The following NAA15 variants were observed in gnomAD, a reference collection of about 807,000 sequenced individuals.
NAA15 encodes the protein N-terminal acetyltransferase.
In NAA15, 34 loss-of-function variants were observed where a neutral mutation model predicts 114.0. The observed-to-expected ratio is 0.30, with a 90% CI of 0.23 to 0.40. NAA15 has a LOEUF of 0.40. Ranked by LOEUF, NAA15 falls within the 10% of genes least tolerant of loss-of-function variation. The pLI is 1.00. For synonymous variants in NAA15, 340 were observed against 338.0 expected, an observed-to-expected ratio of 1.01 and a Z score of -0.06; for missense variants, 658 against 1,004.5, an observed-to-expected ratio of 0.66 and a Z score of 4.66.
At chr4:139,375,868 A>G (rs1393326656) in intron 15 of NAA15, among the ~76,000 whole-genome samples, 3 of 149,204 alleles carry the variant, frequency 2.0e-5, no homozygotes, top group Non-Finnish European at 4.4e-5. Context: ...CTCACCATTA[A>G]TATGTCATTT....
intron 1 of NAA15, among the ~76,000 whole-genome samples, chr4:139,315,622 A>G (rs967714268): frequency 5.3e-5 from 8 of 151,916 alleles, no homozygotes; most frequent in Non-Finnish European, 1.2e-4. Flanking sequence ...AGATACGTAT[A>G]CAAGTGCATG....
intron 6 of NAA15, among the ~76,000 whole-genome samples, chr4:139,347,860 G>A (rs1338692727): frequency 4.6e-5 from 7 of 150,734 alleles, no homozygotes; most frequent in African/African-American, 2.4e-5. Context: ...GCGAAACCCC[G>A]TCTCTACTAA....
At chr4:139,337,975 T>C (rs6845651) in intron 3 of NAA15, among the ~76,000 whole-genome samples, 38,830 of 152,164 alleles carry the variant, frequency 0.26, 5,165 homozygotes, top group African/African-American at 0.32. Flanking sequence ...CTGTCATAGA[T>C]AGATGTCTTT....
chr4:139,339,829 C>T (rs910076437), intron 3 of NAA15, among the ~76,000 whole-genome samples: 35 of 152,100 alleles, frequency 2.3e-4, no homozygotes, highest in African/African-American at 7.2e-4. Flanking sequence ...AGAAGACAGA[C>T]TGAAGATAGG....
intron 1 of NAA15, among the ~76,000 whole-genome samples, chr4:139,329,576 C>G (rs559251121): frequency 6.6e-6 from 1 of 152,098 alleles, no homozygotes; most frequent in Non-Finnish European, 1.5e-5. Context: ...AAGGAATGAC[C>G]TTTTTGCAGT....
chr4:139,313,305 T>C (rs1746279148), intron 1 of NAA15, among the ~76,000 whole-genome samples: 1 of 151,952 alleles, frequency 6.6e-6, no homozygotes, highest in Non-Finnish European at 1.5e-5. Flanking sequence ...ACTCTATTTT[T>C]CAAAGAGAAC....
chr4:139,312,420 G>A (rs1189326105), intron 1 of NAA15, among the ~76,000 whole-genome samples: 1 of 151,880 alleles, frequency 6.6e-6, no homozygotes, highest in Non-Finnish European at 1.5e-5. Context: ...TTGTATTAAA[G>A]TTGTAACTTT....
Position 139,376,491 on chromosome 4 carries a change from A to G in NAA15, c.2056+18A>G, listed in dbSNP as rs190131369. The G allele has an allele frequency of 6.2e-6, 9 of 1,442,152 alleles. No individual in the cohort carries two copies. In the Admixed American group the frequency reaches 1.2e-4, roughly 19 times the overall value. 89.3% of individuals were successfully genotyped at this position (1,442,152 alleles called of 1,614,324 possible). On this transcript the variant is annotated intron_variant, in intron 16 of 19. Transcript: ENST00000296543. ...TAGGAAAGGTAGGCAATTAGGGTACAGTGGCCCTGACAAAACTGATCACTG... is the reference window on the plus strand; with the variant it reads ...TAGGAAAGGTAGGCAATTAGGGTACGGTGGCCCTGACAAAACTGATCACTG...
At chr4:139,310,886 T>G (rs1225869650) in intron 1 of NAA15, among the ~76,000 whole-genome samples, 1 of 151,730 alleles carries the variant, frequency 6.6e-6, no homozygotes, top group African/African-American at 2.4e-5. Context: ...CCCAAAATGC[T>G]GGAATTACAG....
At chr4:139,351,730 C>A (rs1334879445) in intron 9 of NAA15, 119 bp downstream of exon 9, 1 of 536,078 alleles carries the variant, frequency 1.9e-6, no homozygotes, top group Non-Finnish European at 3.3e-6. Context: ...TGTCAGTCTT[C>A]CCAGTTTGCA....
At chr4:139,387,025 A>G (rs533559756) in intron 19 of NAA15, among the ~76,000 whole-genome samples, 65 of 152,332 alleles carry the variant, frequency 4.3e-4, no homozygotes, top group African/African-American at 1.4e-3. Flanking sequence ...TTATTAATAA[A>G]TATATTCATT....
chr4:139,305,654 C>T (rs186172469), intron 1 of NAA15, among the ~76,000 whole-genome samples: 1 of 151,678 alleles, frequency 6.6e-6, no homozygotes, highest in Non-Finnish European at 1.5e-5. Context: ...TCTGCTTCAG[C>T]GTCCTGAGTA....
intron 1 of NAA15, among the ~76,000 whole-genome samples, chr4:139,312,932 C>T (rs1746268669): frequency 6.6e-6 from 1 of 151,876 alleles, no homozygotes; most frequent in African/African-American, 2.4e-5. Flanking sequence ...ATGGGCTCTA[C>T]TGCACTTTCT....
At position 139,351,399 on chromosome 4, in the gene NAA15, GTCTAACAAC is replaced by G. The variant is rs1747774134; in HGVS notation, c.908-102_908-94del. ...GTTTAAGCTATACATTGTTAGAGTT[GTCTAACAAC>G]TCTGCTAAATGTAAGTTGGTAAATG... On this transcript the variant is annotated intron_variant, in intron 8 of 19. Coordinates refer to ENST00000296543, the MANE Select transcript of NAA15 (RefSeq NM_057175.5). 9 of 1,024,326 alleles carry G rather than the reference GTCTAACAAC, an allele frequency of 8.8e-6. No individual in the cohort carries two copies. The South Asian group carries it at 1.3e-4, about 14-fold the overall frequency. 63.5% of individuals were successfully genotyped at this position (1,024,326 alleles called of 1,614,324 possible).
chr4:139,325,487 A>G (rs989853879), intron 1 of NAA15, among the ~76,000 whole-genome samples: 6 of 152,190 alleles, frequency 3.9e-5, no homozygotes, highest in Non-Finnish European at 8.8e-5. Flanking sequence ...TGGGATTATC[A>G]TGCTGATTAA....
chr4:139,377,775 A>G (rs1249345964), intron 16 of NAA15, among the ~76,000 whole-genome samples: 2 of 152,218 alleles, frequency 1.3e-5, no homozygotes, highest in Non-Finnish European at 2.9e-5. Flanking sequence ...CACAATTATT[A>G]TAACGTGGAA....
chr4:139,338,214 A>G (rs887499586), intron 3 of NAA15, among the ~76,000 whole-genome samples: 2 of 152,174 alleles, frequency 1.3e-5, no homozygotes, highest in African/African-American at 2.4e-5. Flanking sequence ...GGGAGTGGAA[A>G]GATAGGTAAT....
rs575294346 is a variant in NAA15, at chr4:139,384,481, A to G, written c.2156-351A>G. 1.8e-3 allele frequency among the ~76,000 whole-genome samples: 262 copies of G among 149,366 alleles called. 4 individuals carry two copies. The highest frequency in any genetic ancestry group is 6.1e-3 in the African/African-American group (246 of 40,434). On this transcript the variant is annotated intron_variant, in intron 17 of 19. Coordinates refer to ENST00000296543, the MANE Select transcript of NAA15 (RefSeq NM_057175.5). The stretch of plus-strand genomic sequence containing the variant: ...TGGCAGTAAAACCTTGTCTGTCTCA[A>G]TCAGTCAGTCAGTTTATATAGGTAA...
chr4:139,377,614 G>A (rs1414779385), intron 16 of NAA15, among the ~76,000 whole-genome samples: 2 of 151,706 alleles, frequency 1.3e-5, no homozygotes, highest in Non-Finnish European at 2.9e-5. Flanking sequence ...TTCCAAAATA[G>A]GACACAGAAC....
Sources: allele counts gnomAD v4.1 joint callset (sites outside exome capture counted in the v4.1 genomes callset), GRCh38; gene constraint gnomAD v4.1.1; transcripts MANE v1.5; gene names NCBI Gene and HGNC (gene_info 2026-07-23, HGNC 2026-07-21).